The following SEPTIN9 variants were observed in gnomAD, a reference collection of about 807,000 sequenced individuals.
SEPTIN9 encodes septin 9, also known as septin-9.
A neutral mutation model predicts 56.6 loss-of-function variants in SEPTIN9; 13 were observed. The ratio of observed to expected loss-of-function variants is 0.23; its 90% CI spans 0.15 to 0.37. The LOEUF (loss-of-function observed/expected upper bound fraction) is 0.37. SEPTIN9 is among the 10% of genes least tolerant of loss of function. SEPTIN9 has a pLI of 1.00. For synonymous variants in SEPTIN9, 332 were observed against 334.1 expected (o/e 0.99, Z 0.07); for missense variants, 650 against 823.1 (o/e 0.79, Z 2.57).
chr17:77,402,710 C>A lies in SEPTIN9; in HGVS notation c.721+7C>A, dbSNP rs551649063. On this transcript the variant is annotated splice_region_variant and intron_variant, in intron 3 of 11. Transcript: ENST00000427177. The surrounding 1 kb of genome is among the most constrained non-coding windows in gnomAD (Gnocchi z 6.6). Reference sequence around the variant, plus strand: ...ACACCCCGGAGCCAGGAGGGTGAGTCGCAGAGCGCTAGGTCTTGGATGCTG... The same window carrying A: ...ACACCCCGGAGCCAGGAGGGTGAGTAGCAGAGCGCTAGGTCTTGGATGCTG... 5 of 1,573,386 alleles carry A rather than the reference C, an allele frequency of 3.2e-6. No homozygotes were observed. Among genetic ancestry groups the A allele is most frequent in the South Asian group, 1.2e-5 (1 of 85,664 alleles).
intron 2 of SEPTIN9, among the ~76,000 whole-genome samples, chr17:77,347,801 T>TA (rs1427690428): frequency 1.3e-5 from 2 of 152,164 alleles, no homozygotes; most frequent in Non-Finnish European, 2.9e-5. Flanking sequence ...TTCAATAACT[T>TA]ACATGAGATA....
intron 11 of SEPTIN9, among the ~76,000 whole-genome samples, chr17:77,498,252 G>A (rs962855493): frequency 6.6e-6 from 1 of 152,060 alleles, no homozygotes; most frequent in Non-Finnish European, 1.5e-5. Flanking sequence ...GCCATAGGGT[G>A]GACCCAGAGG....
At chr17:77,420,043 A>G (rs970533927) in intron 3 of SEPTIN9, among the ~76,000 whole-genome samples, 3 of 151,866 alleles carry the variant, frequency 2.0e-5, no homozygotes, top group South Asian at 2.1e-4. Context: ...ACTGGAGCTC[A>G]TGGTCCCTCC....
In SEPTIN9 at chr17:77,499,705, A is replaced by G; in HGVS notation, c.*1047A>G. ...CTGTCTAGTGTCTGGGTTTGGCCCA[A>G]GACTGGGCTGTAGTTACATTAATGC... On this transcript the variant is annotated 3_prime_UTR_variant, in exon 12 of 12. Transcript: ENST00000427177. 1 of 385,008 alleles carries G rather than the reference A, an allele frequency of 2.6e-6. No homozygotes were observed. The highest frequency in any genetic ancestry group is 4.9e-6 in the Non-Finnish European group (1 of 206,090). 23.8% of individuals were successfully genotyped at this position (385,008 alleles called of 1,614,324 possible).
chr17:77,331,436 T>G (rs1598204838), intron 2 of SEPTIN9, among the ~76,000 whole-genome samples: 4 of 148,438 alleles, frequency 2.7e-5, no homozygotes, highest in Non-Finnish European at 3.0e-5. Flanking sequence ...GATGTTGAGG[T>G]GTGGGTGGGG....
intron 2 of SEPTIN9, among the ~76,000 whole-genome samples, chr17:77,399,276 C>T (rs1329275257): frequency 1.3e-5 from 2 of 152,202 alleles, no homozygotes; most frequent in East Asian, 1.9e-4. Flanking sequence ...GGGGGTTCAC[C>T]GGATCTCCCA....
chr17:77,315,957 A>G (rs946999863), intron 2 of SEPTIN9, among the ~76,000 whole-genome samples: 1 of 152,190 alleles, frequency 6.6e-6, no homozygotes, highest in Non-Finnish European at 1.5e-5. Flanking sequence ...ATAGGCTGGC[A>G]CAACCAGAGT....
At chr17:77,416,616 A>G (rs893508311) in intron 3 of SEPTIN9, among the ~76,000 whole-genome samples, 5 of 152,214 alleles carry the variant, frequency 3.3e-5, no homozygotes, top group Admixed American at 6.5e-5. Flanking sequence ...CCTCCGAAGC[A>G]TAACTGAGTG....
intron 3 of SEPTIN9, chr17:77,466,681 G>T (rs1281860777): frequency 1.8e-5 from 11 of 600,686 alleles, no homozygotes; most frequent in Middle Eastern, 8.4e-4. Context: ...GACCCTGGGG[G>T]CTCCCTCATT....
intron 1 of SEPTIN9, among the ~76,000 whole-genome samples, chr17:77,285,586 A>G (rs919436202): frequency 6.0e-5 from 9 of 149,900 alleles, no homozygotes; most frequent in African/African-American, 2.2e-4. Flanking sequence ...TTTAGTAGAG[A>G]TGGGGTTTTA....
At chr17:77,345,650 A>G (rs2033867622) in intron 2 of SEPTIN9, among the ~76,000 whole-genome samples, 1 of 152,200 alleles carries the variant, frequency 6.6e-6, no homozygotes, top group Admixed American at 6.5e-5. Context: ...GAAACTCAGT[A>G]CAGAGCAGGC....
At position 77,330,797 on chromosome 17, in the gene SEPTIN9, G is replaced by A. The variant is rs575158102; in HGVS notation, c.76+23600G>A. Among the ~76,000 whole-genome samples, 1 of 152,374 alleles carries A rather than the reference G, an allele frequency of 6.6e-6. No individual in the cohort carries two copies. Among genetic ancestry groups the A allele is most frequent in the South Asian group, 2.1e-4 (1 of 4,832 alleles). On this transcript the variant is annotated intron_variant, in intron 2 of 11. Coordinates refer to ENST00000427177, the MANE Select transcript of SEPTIN9 (RefSeq NM_001113491.2). This position sits in a 1 kb window ranked among gnomAD's most constrained non-coding sequence, Gnocchi z 4.4. The stretch of plus-strand genomic sequence containing the variant: ...GGCCTGGGCCTCTCCATTCTGTGGC[G>A]TTGTCTTTCCTCAGAGTTGCACTGT...
chr17:77,365,618 T>C (rs2034548867), intron 2 of SEPTIN9, among the ~76,000 whole-genome samples: 1 of 152,140 alleles, frequency 6.6e-6, no homozygotes, highest in South Asian at 2.1e-4. Context: ...GGACAGGCCC[T>C]GTGGAGCCTT....
chr17:77,433,000 G>T (rs535765433), intron 3 of SEPTIN9, among the ~76,000 whole-genome samples: 1 of 152,286 alleles, frequency 6.6e-6, no homozygotes, highest in African/African-American at 2.4e-5. Flanking sequence ...AGAATCCCCT[G>T]TCGCCGTGGC....
Position 77,281,568 on chromosome 17 carries a change from C to T in SEPTIN9, c.19+14C>T, listed in dbSNP as rs980628369. The T allele has an allele frequency of 1.3e-6, 2 of 1,538,872 alleles. No homozygotes were observed. The highest frequency in any genetic ancestry group is 2.6e-5 in the East Asian group (1 of 39,132). ...AGTCTTACTCAGGTGGGCTTCGCGC[C>T]CGGGGTGGGGAGGGGTCGGTGTCCC... is the stretch of plus-strand genomic sequence containing the variant. On this transcript the variant is annotated intron_variant, in intron 1 of 11. Coordinates refer to ENST00000427177, the MANE Select transcript of SEPTIN9 (RefSeq NM_001113491.2).
Position 77,487,388 on chromosome 17 carries a change from G to A in SEPTIN9, c.914-36G>A, listed in dbSNP as rs1165629382. 2 of 1,573,052 alleles carry A rather than the reference G, an allele frequency of 1.3e-6. No homozygotes were observed. The highest frequency in any genetic ancestry group is 1.7e-6 in the Non-Finnish European group (2 of 1,160,446). ...TGTGCAGACCCTGCTGGTCTCTCCG[G>A]AGAGACCCCTGACCGGCCTCCCATC... On this transcript the variant is annotated intron_variant, in intron 4 of 11. Coordinates refer to ENST00000427177, the MANE Select transcript of SEPTIN9 (RefSeq NM_001113491.2). This position sits in a 1 kb window ranked among gnomAD's most constrained non-coding sequence, Gnocchi z 4.3.
intron 3 of SEPTIN9, among the ~76,000 whole-genome samples, chr17:77,430,951 A>G (rs1404903342): frequency 6.6e-6 from 1 of 151,746 alleles, no homozygotes; most frequent in African/African-American, 2.4e-5. Context: ...AGACTGTGCT[A>G]CTGCACTCCA....
chr17:77,484,827 T>TGAAGGG (rs1431636064), intron 4 of SEPTIN9, among the ~76,000 whole-genome samples: 1 of 94,374 alleles, frequency 1.1e-5, no homozygotes, highest in African/African-American at 6.0e-5. Flanking sequence ...GTGATGGTGG[T>TGAAGGG]GGCGATGGTG....
At chr17:77,388,577 G>T (rs928524805) in intron 2 of SEPTIN9, among the ~76,000 whole-genome samples, 1 of 152,234 alleles carries the variant, frequency 6.6e-6, no homozygotes, top group South Asian at 2.1e-4. Flanking sequence ...ATTCAGTGCC[G>T]GTCCTCCAAA....
Sources: gnomAD v4.1 joint callset for allele counts (sites outside exome capture counted in the v4.1 genomes callset) on GRCh38, gnomAD v4.1.1 for gene constraint, Gnocchi (gnomAD v3.1) non-coding constraint, MANE v1.5 for transcripts, NCBI Gene and HGNC (gene_info 2026-07-23, HGNC 2026-07-21) for gene names.